Variants in CCNY observed in about 807,000 individuals in gnomAD.
CCNY encodes the protein cyclin Y.
In CCNY, 19 loss-of-function variants were observed where a neutral mutation model predicts 42.8. That is an observed-to-expected ratio of 0.44 (90% CI 0.31 to 0.65). CCNY has a LOEUF of 0.65. CCNY is among the 30% of genes least tolerant of loss of function. The probability of loss-of-function intolerance (pLI) is 0.07; values close to 1 mark genes in which losing one functional copy is unlikely to be tolerated. For synonymous variants in CCNY, 165 were observed against 162.7 expected (o/e 1.01, Z -0.11); for missense variants, 370 against 437.3 (o/e 0.85, Z 1.37).
chr10:35,352,202 T>C (rs1238503813), intron 1 of CCNY, among the ~76,000 whole-genome samples: 2 of 152,192 alleles, frequency 1.3e-5, no homozygotes, highest in African/African-American at 4.8e-5. Flanking sequence ...TTCTTCAGTT[T>C]GACATTCTTG....
At chr10:35,546,723 C>T (rs756224847) in intron 7 of CCNY, among the ~76,000 whole-genome samples, 4 of 152,086 alleles carry the variant, frequency 2.6e-5, no homozygotes, top group Non-Finnish European at 4.4e-5. Flanking sequence ...TTCAGTTAGC[C>T]GTAATGGAAT....
intron 3 of CCNY, among the ~76,000 whole-genome samples, chr10:35,294,497 T>C (rs1425755533): frequency 1.3e-5 from 2 of 152,260 alleles, no homozygotes; most frequent in Non-Finnish European, 1.5e-5. Context: ...ATGCTTTTTT[T>C]CTACAGCTAT....
chr10:35,561,624 T>C (rs184083558), intron 8 of CCNY, among the ~76,000 whole-genome samples: 1 of 152,264 alleles, frequency 6.6e-6, no homozygotes, highest in Non-Finnish European at 1.5e-5. Context: ...CTTGTTCTTC[T>C]AGGTACCCTT....
At chr10:35,424,741 G>A (rs533173557) in intron 1 of CCNY, among the ~76,000 whole-genome samples, 19 of 152,286 alleles carry the variant, frequency 1.2e-4, no homozygotes, top group South Asian at 8.3e-4. Flanking sequence ...GAACCAAGGC[G>A]TGTTCCCAAG....
At chr10:35,437,661 C>CAA (rs1408037038) in intron 1 of CCNY, among the ~76,000 whole-genome samples, 1 of 142,054 alleles carries the variant, frequency 7.0e-6, no homozygotes. Flanking sequence ...GACTCTGTCT[C>CAA]AAAAAAAAAA....
At chr10:35,408,099 G>A (rs1315709799) in intron 1 of CCNY, among the ~76,000 whole-genome samples, 1 of 152,180 alleles carries the variant, frequency 6.6e-6, no homozygotes, top group African/African-American at 2.4e-5. Context: ...GGAGAAAGAG[G>A]TTGAGGGATA....
At chr10:35,413,810 G>C (rs1446429023) in intron 1 of CCNY, among the ~76,000 whole-genome samples, 2 of 152,178 alleles carry the variant, frequency 1.3e-5, no homozygotes, top group Non-Finnish European at 1.5e-5. Context: ...CAGTGGCACT[G>C]AAGCGGGAAA....
chr10:35,277,848 G>A (rs1835256768), intron 3 of CCNY, among the ~76,000 whole-genome samples: 1 of 152,108 alleles, frequency 6.6e-6, no homozygotes, highest in South Asian at 2.1e-4. Context: ...GTTTGGGCCT[G>A]TGCACCCCAA....
chr10:35,305,058 G>A (rs967534159), intron 3 of CCNY, among the ~76,000 whole-genome samples: 13 of 152,154 alleles, frequency 8.5e-5, no homozygotes, highest in Admixed American at 2.0e-4. Flanking sequence ...AGGCATTCCC[G>A]TTTGTTTCTT....
chr10:35,263,185 T>C (rs1367011263), intron 3 of CCNY, among the ~76,000 whole-genome samples: 1 of 151,620 alleles, frequency 6.6e-6, no homozygotes, highest in African/African-American at 2.4e-5. Flanking sequence ...TGAAACCCCG[T>C]CTCTATTAAA....
intron 9 of CCNY, among the ~76,000 whole-genome samples, chr10:35,566,957 C>T (rs1841584660): frequency 1.3e-5 from 2 of 152,106 alleles, no homozygotes; most frequent in Non-Finnish European, 1.5e-5. Context: ...TGTGATCTGC[C>T]CACCTTGGCC....
rs1839716851 is a variant in CCNY, at chr10:35,483,422, A to G, written c.173A>G (p.Asn58Ser). 6 of 1,606,724 alleles carry G rather than the reference A, an allele frequency of 3.7e-6. No homozygotes were observed. Among genetic ancestry groups the G allele is most frequent in the East Asian group, 2.2e-5 (1 of 44,692 alleles). ...ENIDDLNMEF[N>S]PSDHPRASTI... ...TTTAAAGATTTGAACATGGAATTCA[A>G]TCCTTCAGATCATCCTCGGGCCAGC... The change falls in exon 2 of 10, where the codon AAT (asparagine) becomes AGT (serine). Residue 58 changes from asparagine (N) to serine (S), a missense_variant. Asn to Ser is a conservative substitution (Grantham distance 46). Around this residue, in one of 2 missense-constraint regions of CCNY, gnomAD observed 136 missense variants for 124.2 expected, o/e 1.09. Coordinates refer to ENST00000374704, the MANE Select transcript of CCNY (RefSeq NM_145012.6).
intron 1 of CCNY, among the ~76,000 whole-genome samples, chr10:35,427,787 G>A (rs1465315990): frequency 1.3e-5 from 2 of 152,218 alleles, no homozygotes; most frequent in African/African-American, 2.4e-5. Flanking sequence ...GTAAAGCAGA[G>A]TGAAGTTAAA....
chr10:35,328,607 T>G (rs1335094338), intron 3 of CCNY, among the ~76,000 whole-genome samples: 1 of 152,150 alleles, frequency 6.6e-6, no homozygotes, highest in Non-Finnish European at 1.5e-5. Context: ...GGAGAAACAC[T>G]GCAGGCAGAA....
chr10:35,524,894 G>A (rs1315813243), intron 4 of CCNY, among the ~76,000 whole-genome samples: 1 of 152,212 alleles, frequency 6.6e-6, no homozygotes, highest in East Asian at 1.9e-4. Context: ...GTCCACTGGT[G>A]TAGACTTTCC....
intron 1 of CCNY, among the ~76,000 whole-genome samples, chr10:35,450,946 T>C (rs1838903140): frequency 6.6e-6 from 1 of 152,158 alleles, no homozygotes; most frequent in Non-Finnish European, 1.5e-5. Context: ...AGCTTTAAGG[T>C]CCTTTGGTTT....
intron 2 of CCNY, among the ~76,000 whole-genome samples, chr10:35,489,921 C>T (rs2135376760): frequency 6.6e-6 from 1 of 152,308 alleles, no homozygotes; most frequent in African/African-American, 2.4e-5. Flanking sequence ...TTGGTGGCAC[C>T]TAGTTTAACC....
chr10:35,416,153 T>G (rs1051376064), intron 1 of CCNY, among the ~76,000 whole-genome samples: 2 of 136,290 alleles, frequency 1.5e-5, no homozygotes, highest in Admixed American at 1.5e-4. Flanking sequence ...TGGAAACTTG[T>G]GGCACCCGTG....
chr10:35,536,345 G>A (rs1036814353), intron 7 of CCNY, among the ~76,000 whole-genome samples: 1 of 152,012 alleles, frequency 6.6e-6, no homozygotes, highest in African/African-American at 2.4e-5. Flanking sequence ...TCCCAGTCTC[G>A]GGTATGTCTT....
Sources: gnomAD v4.1 joint callset for allele counts (sites outside exome capture counted in the v4.1 genomes callset) on GRCh38, gnomAD v4.1.1 for gene constraint, gnomAD v4.1.1 regional missense constraint, MANE v1.5 for transcripts, NCBI Gene and HGNC (gene_info 2026-07-23, HGNC 2026-07-21) for gene names.